Variants in ANP32B observed in about 807,000 individuals in gnomAD.
ANP32B encodes the protein acidic nuclear phosphoprotein 32 family member B, also known as acidic leucine-rich nuclear phosphoprotein 32 family member B.
In ANP32B, 6 loss-of-function variants were observed where a neutral mutation model predicts 32.2. That is an observed-to-expected ratio of 0.19 (90% confidence interval 0.10 to 0.37). The LOEUF (loss-of-function observed/expected upper bound fraction) is 0.37. Ranked by LOEUF, ANP32B falls within the 10% of genes least tolerant of loss-of-function variation. ANP32B has a pLI of 1.00. For missense variants in ANP32B, 204 were observed against 289.2 expected (o/e 0.71, Z 2.14); for synonymous variants, 98 against 105.8 (o/e 0.93, Z 0.45).
chr9:97,994,642 T>G lies in ANP32B; in HGVS notation c.66T>G (p.Leu22=). ...RNRTPAAVRE[L]VLDNCKSNDG... is the part of the protein sequence containing the mutation. ...TTTGTCATCCACAGGTTCGAGAACTTGTCTTGGACAATTGCAAATCAAATG... is the reference window on the plus strand; with the variant it reads ...TTTGTCATCCACAGGTTCGAGAACTGGTCTTGGACAATTGCAAATCAAATG... Residue 22 remains leucine (L), a synonymous_variant, in exon 2 of 7, where the codon CTT becomes CTG. Transcript: ENST00000339399. The G allele has an allele frequency of 6.2e-7, 1 of 1,603,988 alleles. No individual in the cohort carries two copies. Among genetic ancestry groups the G allele is most frequent in the Non-Finnish European group, 8.5e-7 (1 of 1,177,722 alleles).
intron 1 of ANP32B, among the ~76,000 whole-genome samples, chr9:97,983,857 C>T (rs1020932543): frequency 5.3e-5 from 8 of 151,944 alleles, no homozygotes; most frequent in Admixed American, 3.3e-4. Context: ...ACTTTGAGCG[C>T]TTCGCCCGCC....
At chr9:97,999,584 G>C (rs1227728268) in intron 3 of ANP32B, among the ~76,000 whole-genome samples, 1 of 152,220 alleles carries the variant, frequency 6.6e-6, no homozygotes, top group Admixed American at 6.5e-5. Flanking sequence ...CTTGATGTGT[G>C]ACCTTGGGCA....
intron 1 of ANP32B, among the ~76,000 whole-genome samples, chr9:97,985,070 C>T (rs980934648): frequency 6.7e-6 from 1 of 150,322 alleles, no homozygotes; most frequent in East Asian, 2.0e-4. Context: ...TCGCGAGCCC[C>T]CCCCCCGCCG....
chr9:97,984,554 G>T (rs931689096), intron 1 of ANP32B: 1 of 143,606 alleles, frequency 7.0e-6, no homozygotes, highest in African/African-American at 2.6e-5. Flanking sequence ...ACGCCAGCCG[G>T]GGCGCGCCAC....
intron 5 of ANP32B, among the ~76,000 whole-genome samples, chr9:98,011,675 G>A (rs924095570): frequency 1.2e-4 from 18 of 152,196 alleles, no homozygotes; most frequent in Non-Finnish European, 1.0e-4. Flanking sequence ...TGAGAAAACT[G>A]GACATGTTGA....
In ANP32B at chr9:97,983,564, G is replaced by A; in HGVS notation, c.9G>A (p.Met3Ile). 6 of 1,584,542 alleles carry A rather than the reference G, an allele frequency of 3.8e-6. No individual in the cohort carries two copies. Among genetic ancestry groups the A allele is most frequent in the Non-Finnish European group, 3.4e-6 (4 of 1,166,352 alleles). Reference protein sequence around the residue: MDMKRRIHLELRN... With the variant: MDIKRRIHLELRN... ...GGGGGGAAGAGGGGAACATGGACAT[G>A]AAGAGGAGGATCCACCTGGAGCTGA... Residue 3 changes from methionine to isoleucine, a missense_variant, in exon 1 of 7, where the codon ATG becomes ATA. Physicochemically the swap from Met to Ile is conservative, Grantham distance 10 (BLOSUM62 1). Coordinates refer to ENST00000339399, the MANE Select transcript of ANP32B (RefSeq NM_006401.3).
At chr9:97,993,519 T>C (rs1827861020) in intron 1 of ANP32B, among the ~76,000 whole-genome samples, 1 of 152,190 alleles carries the variant, frequency 6.6e-6, no homozygotes, top group Non-Finnish European at 1.5e-5. Flanking sequence ...TAGATCAAAG[T>C]GAGCTAAAAA....
chr9:98,011,037 C>G (rs532267936), intron 4 of ANP32B, among the ~76,000 whole-genome samples: 2 of 152,256 alleles, frequency 1.3e-5, no homozygotes, highest in Non-Finnish European at 1.5e-5. Flanking sequence ...GCCATTGTAT[C>G]ATTTCATCAG....
intron 3 of ANP32B, among the ~76,000 whole-genome samples, chr9:98,000,451 T>G (rs1827971336): frequency 6.6e-6 from 1 of 152,180 alleles, no homozygotes; most frequent in Non-Finnish European, 1.5e-5. Context: ...CAACCCCCAT[T>G]TCCAGTATTT....
chr9:97,989,733 T>C (rs1827792954), intron 1 of ANP32B, among the ~76,000 whole-genome samples: 1 of 152,144 alleles, frequency 6.6e-6, no homozygotes, highest in Non-Finnish European at 1.5e-5. Context: ...AAAGCTGTTA[T>C]CTCCTTTGCA....
chr9:97,996,685 C>T (rs1010468070), intron 2 of ANP32B, among the ~76,000 whole-genome samples: 1 of 152,054 alleles, frequency 6.6e-6, no homozygotes, highest in Non-Finnish European at 1.5e-5. Context: ...CCTCCGCCTC[C>T]CAGGTTCAAG....
rs146677270 is a variant in ANP32B, at chr9:98,003,814, C to G, written c.328-1150C>G. On this transcript the variant is annotated intron_variant, in intron 3 of 6. Transcript: ENST00000339399. ...TTTAGTACTATCTTCTTAGAGAATA[C>G]CGAAGTTTTTCTCTTGATTCAGAAC... Among the ~76,000 whole-genome samples, 627 of 152,202 alleles carry G rather than the reference C, an allele frequency of 4.1e-3. 2 individuals carry two copies. The highest frequency in any genetic ancestry group is 9.2e-3 in the Admixed American group (141 of 15,294).
chr9:97,992,094 T>A (rs1168931758), intron 1 of ANP32B, among the ~76,000 whole-genome samples: 2 of 152,168 alleles, frequency 1.3e-5, no homozygotes, highest in Non-Finnish European at 1.5e-5. Context: ...TGACTTTTTT[T>A]TTCTTTTTCT....
At chr9:98,011,935 G>C (rs191272153) in intron 5 of ANP32B, among the ~76,000 whole-genome samples, 1 of 152,260 alleles carries the variant, frequency 6.6e-6, no homozygotes, top group Admixed American at 6.5e-5. Context: ...ACAGTGTCTT[G>C]ACTTTGACCC....
intron 1 of ANP32B, among the ~76,000 whole-genome samples, chr9:97,991,623 T>G (rs1827826821): frequency 6.6e-6 from 1 of 152,220 alleles, no homozygotes; most frequent in South Asian, 2.1e-4. Flanking sequence ...AAAATAATTT[T>G]GTGGCAGTTA....
intron 3 of ANP32B, among the ~76,000 whole-genome samples, chr9:98,000,208 C>A (rs971860128): frequency 1.3e-5 from 2 of 152,124 alleles, no homozygotes; most frequent in Non-Finnish European, 2.9e-5. Context: ...TGAACTCCTG[C>A]CCTCAAGTGA....
rs141764340 is a variant in ANP32B at position 98,013,664 on chromosome 9, C to T, written c.688+1192C>T. Among the ~76,000 whole-genome samples the T allele has an allele frequency of 7.8e-4, 118 of 152,024 alleles. 3 individuals are homozygous for T. The East Asian group carries it at 0.015, about 19-fold the overall frequency. On this transcript the variant is annotated intron_variant, in intron 6 of 6. Transcript: ENST00000339399. ...CTGTTATCTCAGCACTTTAGGAGGC[C>T]GAGGCAGGTGGATCACCTGAGGTCA...
At chr9:97,999,725 AC>A (rs1250349952) in intron 3 of ANP32B, among the ~76,000 whole-genome samples, 1 of 152,138 alleles carries the variant, frequency 6.6e-6, no homozygotes, top group Non-Finnish European at 1.5e-5. Flanking sequence ...AAGTTAATGT[AC>A]TTATTTTGCT....
At chr9:98,011,610 T>C (rs1587881726) in intron 5 of ANP32B, among the ~76,000 whole-genome samples, 1 of 152,208 alleles carries the variant, frequency 6.6e-6, no homozygotes, top group Non-Finnish European at 1.5e-5. Context: ...TTCCTGGCTG[T>C]GCAAGGTAAG....
Sources: gnomAD v4.1 joint callset for allele counts (sites outside exome capture counted in the v4.1 genomes callset) on GRCh38, gnomAD v4.1.1 for gene constraint, MANE v1.5 for transcripts, NCBI Gene and HGNC (gene_info 2026-07-23, HGNC 2026-07-21) for gene names.